The following MAPKBP1 variants were observed in gnomAD, a reference collection of about 807,000 sequenced individuals.
MAPKBP1 encodes the protein mitogen-activated protein kinase-binding protein 1.
MAPKBP1 carries 71 observed loss-of-function variants against 170.5 expected under a neutral mutation model. That is an observed-to-expected ratio of 0.42 (90% confidence interval 0.34 to 0.51). The LOEUF is 0.51. MAPKBP1 is among the 20% of genes least tolerant of loss of function. The probability of loss-of-function intolerance (pLI) is 0.06; values close to 1 mark genes in which losing one functional copy is unlikely to be tolerated. For synonymous variants in MAPKBP1, 719 were observed against 757.9 expected (o/e 0.95, Z 0.84); for missense variants, 1,598 against 1,933.0 (o/e 0.83, Z 3.25).
chr15:41,793,491 A>T (rs967801455), intron 2 of MAPKBP1, among the ~76,000 whole-genome samples: 3 of 152,218 alleles, frequency 2.0e-5, no homozygotes, highest in Non-Finnish European at 2.9e-5. Context: ...AAATAAAAAT[A>T]AAAAAAGAAT....
intron 3 of MAPKBP1, among the ~76,000 whole-genome samples, chr15:41,801,027 G>C (rs772550898): frequency 1.3e-5 from 2 of 152,200 alleles, no homozygotes; most frequent in Non-Finnish European, 2.9e-5. Context: ...GAGCCACCAC[G>C]CCTGGCCAGC....
chr15:41,792,716 C>T (rs369540386), intron 2 of MAPKBP1, among the ~76,000 whole-genome samples: 7 of 152,202 alleles, frequency 4.6e-5, no homozygotes, highest in African/African-American at 1.4e-4. Context: ...TGTATTTCAT[C>T]GGCATTTGGG....
At position 41,802,698 on chromosome 15, in the gene MAPKBP1, TA is replaced by T. The variant is rs1338605329; in HGVS notation, c.206+2786del. 1.1e-4 allele frequency among the ~76,000 whole-genome samples: 17 copies of T among 152,370 alleles called. No individual in the cohort carries two copies. In the East Asian group the frequency reaches 3.1e-3, roughly 28 times the overall value. On this transcript the variant is annotated intron_variant, in intron 3 of 30. Transcript: ENST00000457542. ...CATGTTGGCCAGGCTGGTCTTGAACTAATGACCTCAAGTGATCAGCCCTCCT... is the reference window on the plus strand; with the variant it reads ...CATGTTGGCCAGGCTGGTCTTGAACTATGACCTCAAGTGATCAGCCCTCCT...
rs975719219 is a variant in MAPKBP1, at chr15:41,817,269, G to A, written c.1712-119G>A. On this transcript the variant is annotated intron_variant, in intron 14 of 30. Transcript: ENST00000457542. The surrounding 1 kb of genome is among the most constrained non-coding windows in gnomAD (Gnocchi z 4.2). ...AACCTGGGTTTCCAGGTTTAATTTAGTTGGTTTTCCCTGGCATGTAGAGTA... is the reference window on the plus strand; with the variant it reads ...AACCTGGGTTTCCAGGTTTAATTTAATTGGTTTTCCCTGGCATGTAGAGTA... 1.6e-6 allele frequency: 2 copies of A among 1,269,066 alleles called. No homozygotes were observed. Among genetic ancestry groups the A allele is most frequent in the African/African-American group, 3.0e-5 (2 of 67,458 alleles). The allele number at this position is 1,269,066 out of a possible 1,614,324, so 78.6% of individuals were successfully genotyped here.
rs764180765 is a variant in MAPKBP1 at position 41,810,908 on chromosome 15, C to T, written c.232C>T (p.Arg78Trp). The T allele has an allele frequency of 2.4e-5, 38 of 1,613,972 alleles. No individual in the cohort carries two copies. Among genetic ancestry groups the T allele is most frequent in the Admixed American group, 8.3e-5 (5 of 59,996 alleles). Residue 78 changes from arginine (R) to tryptophan (W), a missense_variant, in exon 4 of 31, where the codon CGG (arginine) becomes TGG (tryptophan). Around this residue, in one of 6 missense-constraint regions of MAPKBP1, gnomAD observed 151 missense variants for 191.4 expected, o/e 0.79. Coordinates refer to ENST00000457542, the MANE Select transcript of MAPKBP1 (RefSeq NM_014994.3). Reference sequence around the variant, plus strand: ...GTGTGTGGTTGTGTTGTTCAATCCCCGGAAACACAAACAGCACCACATCCT... The same window carrying T: ...GTGTGTGGTTGTGTTGTTCAATCCCTGGAAACACAAACAGCACCACATCCT... ...AGCVVVLFNP[R>W]KHKQHHILNS...
chr15:41,822,296 G>A lies in MAPKBP1; in HGVS notation c.3103G>A (p.Glu1035Lys). 6.2e-7 allele frequency: 1 copy of A among 1,614,036 alleles called. No individual in the cohort carries two copies. The highest frequency in any genetic ancestry group is 1.3e-5 in the African/African-American group (1 of 75,046). The change falls in exon 26 of 31, where the codon GAA (glutamate) becomes AAA (lysine). Residue 1035 changes from glutamate (E) to lysine (K), a missense_variant. This residue lies in a region of MAPKBP1 where 942 missense variants were observed against 953.2 expected (regional missense o/e 0.99). Transcript: ENST00000457542. ...SDLEEPAEGD[E>K]EEEEEEGGMG... ...CCTTGAAGAGCCAGCTGAGGGTGAT[G>A]AAGAAGAGGAAGAAGAGGAGGGAGG...
At chr15:41,793,105 T>A (rs1228789819) in intron 2 of MAPKBP1, among the ~76,000 whole-genome samples, 1 of 152,152 alleles carries the variant, frequency 6.6e-6, no homozygotes, top group East Asian at 1.9e-4. Flanking sequence ...TTAAGCCAGA[T>A]ATGAAAAAGG....
intron 2 of MAPKBP1, among the ~76,000 whole-genome samples, chr15:41,798,864 A>G (rs2064543442): frequency 6.6e-6 from 1 of 152,146 alleles, no homozygotes. Context: ...GCCAGGGGAG[A>G]TCAGGGACAT....
intron 2 of MAPKBP1, among the ~76,000 whole-genome samples, chr15:41,792,055 C>CA (rs879326004): frequency 7.4e-4 from 94 of 127,316 alleles, no homozygotes; most frequent in Admixed American, 9.7e-4. Context: ...AACTCCATCT[C>CA]AAAAAAAAAA....
In MAPKBP1 at chr15:41,817,018, C is replaced by T. The variant is rs770418701; in HGVS notation, c.1694C>T (p.Thr565Ile). 1 of 1,599,148 alleles carries T rather than the reference C, an allele frequency of 6.3e-7. No homozygotes were observed. The highest frequency in any genetic ancestry group is 8.5e-7 in the Non-Finnish European group (1 of 1,169,776). The change falls in exon 14 of 31, where the codon ACT (threonine) becomes ATT (isoleucine). Residue 565 changes from threonine to isoleucine, a missense_variant. Physicochemically the swap from Thr to Ile is moderately conservative, Grantham distance 89. Coordinates refer to ENST00000457542, the MANE Select transcript of MAPKBP1 (RefSeq NM_014994.3). This position sits in a 1 kb window ranked among gnomAD's most constrained non-coding sequence, Gnocchi z 4.2. ...CTGGACGAACACTCATCCTCCATCA[C>T]TGCTGTTAAGTTTGCAGGTGCGGGC... ...QTLDEHSSSI[T>I]AVKFAASDGQ... is the part of the protein sequence containing the mutation.
intron 3 of MAPKBP1, among the ~76,000 whole-genome samples, chr15:41,809,366 C>T (rs1486397795): frequency 6.6e-6 from 1 of 152,158 alleles, no homozygotes; most frequent in Non-Finnish European, 1.5e-5. Flanking sequence ...CAGTTCTGGG[C>T]ATATCTAGTC....
intron 2 of MAPKBP1, among the ~76,000 whole-genome samples, chr15:41,793,496 AAG>A (rs1357331113): frequency 6.6e-6 from 1 of 152,222 alleles, no homozygotes; most frequent in Non-Finnish European, 1.5e-5. Flanking sequence ...AAAATAAAAA[AAG>A]AATGTTAATA....
intron 29 of MAPKBP1, among the ~76,000 whole-genome samples, 158 bp downstream of exon 29, chr15:41,824,219 T>C (rs1441712277): frequency 6.6e-6 from 1 of 152,216 alleles, no homozygotes. Context: ...CCCCTGATGG[T>C]GAGACCCTCC....
intron 2 of MAPKBP1, among the ~76,000 whole-genome samples, chr15:41,797,374 C>T (rs1022624322): frequency 3.3e-5 from 5 of 152,134 alleles, no homozygotes; most frequent in Admixed American, 2.0e-4. Flanking sequence ...GTGGCCTCTC[C>T]CAGCTGTGTG....
chr15:41,816,690 C>A, intron 13 of MAPKBP1, 40 bp downstream of exon 13: 1 of 1,564,206 alleles, frequency 6.4e-7, no homozygotes, highest in Non-Finnish European at 8.8e-7. Flanking sequence ...CTCCTCCAGT[C>A]CTGCCGGTGC....
rs2065041193 is a variant in MAPKBP1, at chr15:41,823,641, G to A, written c.3793G>A (p.Val1265Met). The change falls in exon 29 of 31, where the codon GTG becomes ATG. Residue 1265 changes from valine (V) to methionine (M), a missense_variant. Transcript: ENST00000457542. ...SISVGENLGL[V>M]AEPQAHAPIR... ...CTCTGTTGGGGAGAACCTGGGCCTG[G>A]TGGCTGAACCTCAAGCTCATGCCCC... is the stretch of plus-strand genomic sequence containing the variant. 1 of 1,614,060 alleles carries A rather than the reference G, an allele frequency of 6.2e-7. No individual in the cohort carries two copies. The highest frequency in any genetic ancestry group is 1.3e-5 in the African/African-American group (1 of 74,918).
chr15:41,784,617 A>G lies in MAPKBP1; in HGVS notation c.114+9228A>G, dbSNP rs546845571. On this transcript the variant is annotated intron_variant, in intron 2 of 30. Transcript: ENST00000457542. ...GCCAACATGCTGAAACCCCGTCTCT[A>G]CTAAAAGTACAAAAATTAGCTGGGC... Among the ~76,000 whole-genome samples, 8 of 151,720 alleles carry G rather than the reference A, an allele frequency of 5.3e-5. No individual in the cohort carries two copies. The East Asian group carries it at 1.4e-3, about 26-fold the overall frequency.
rs1397192419 is a variant in MAPKBP1, at chr15:41,811,513, G to C, written c.327+278G>C. On this transcript the variant is annotated intron_variant, in intron 5 of 30. Transcript: ENST00000457542. The stretch of plus-strand genomic sequence containing the variant: ...AATGTGCATTTGTAACAAGTTCCCA[G>C]AGAGTGCTGATCCTGCTGGTGAAGG... 4 of 671,998 alleles carry C rather than the reference G, an allele frequency of 6.0e-6. No homozygotes were observed. In the East Asian group the frequency reaches 1.2e-4, roughly 19 times the overall value. 41.6% of individuals were successfully genotyped at this position (671,998 alleles called of 1,614,324 possible). A position where few individuals can be genotyped will look rare whatever the true frequency, so the allele number is the denominator to read the frequency against.
intron 3 of MAPKBP1, among the ~76,000 whole-genome samples, chr15:41,804,895 C>T: frequency 6.6e-6 from 1 of 152,180 alleles, no homozygotes; most frequent in East Asian, 1.9e-4. Flanking sequence ...TCTAGAACTC[C>T]CTGATGTGCT....
Sources: allele counts gnomAD v4.1 joint callset (sites outside exome capture counted in the v4.1 genomes callset), GRCh38; gene constraint gnomAD v4.1.1; regional missense constraint gnomAD v4.1.1; non-coding constraint Gnocchi (gnomAD v3.1); transcripts MANE v1.5; gene names NCBI Gene and HGNC (gene_info 2026-07-23, HGNC 2026-07-21).